Variants in PLEKHA4 observed in about 807,000 individuals in gnomAD.
The protein encoded by PLEKHA4 is pleckstrin homology domain containing A4.
PLEKHA4 carries 73 observed loss-of-function variants against 94.7 expected under a neutral mutation model. The ratio of observed to expected loss-of-function variants is 0.77; its 90% CI spans 0.64 to 0.94. The LOEUF (loss-of-function observed/expected upper bound fraction) is 0.94. Ranked by LOEUF, PLEKHA4 falls within the 40% of genes least tolerant of loss-of-function variation. PLEKHA4 has a pLI of 0.00. For missense variants in PLEKHA4, 1,049 were observed against 1,054.1 expected, an observed-to-expected ratio of 1.00 and a Z score of 0.07; for synonymous variants, 449 against 437.1, an observed-to-expected ratio of 1.03 and a Z score of -0.34.
intron 5 of PLEKHA4, 111 bp downstream of exon 5, chr19:48,861,290 G>A (rs1185891952): frequency 5.6e-6 from 5 of 898,900 alleles, no homozygotes; most frequent in Non-Finnish European, 9.3e-6. Flanking sequence ...TTTATCTCCA[G>A]TAATGGATAT....
intron 3 of PLEKHA4, among the ~76,000 whole-genome samples, chr19:48,863,717 AG>A (rs1181272277): frequency 6.6e-6 from 1 of 151,422 alleles, no homozygotes; most frequent in Admixed American, 6.6e-5. Context: ...AGATTACAGG[AG>A]TGAGCCACCA....
At chr19:48,866,599 G>A (rs1367490330) in intron 2 of PLEKHA4, among the ~76,000 whole-genome samples, 2 of 152,166 alleles carry the variant, frequency 1.3e-5, no homozygotes, top group African/African-American at 2.4e-5. Context: ...GAGCCACTGC[G>A]CCGGGCCGAG....
Position 48,861,396 on chromosome 19 carries a change from C to G in PLEKHA4, c.366+5G>C. ...CTGGTGCACAACATGGATGGATGGA[C>G]TCACGGTGAAGGTGAAGCGCCGCCC... On this transcript the variant is annotated splice_donor_5th_base_variant and intron_variant, in intron 5 of 19. Coordinates refer to ENST00000263265, the MANE Select transcript of PLEKHA4 (RefSeq NM_020904.3). The G allele has an allele frequency of 6.2e-7, 1 of 1,611,606 alleles. No homozygotes were observed. The highest frequency in any genetic ancestry group is 8.5e-7 in the Non-Finnish European group (1 of 1,178,612).
In PLEKHA4 at chr19:48,867,565, A is replaced by C; in HGVS notation, c.56T>G (p.Ile19Ser). The change falls in exon 2 of 20, where the codon ATC (isoleucine) becomes AGC (serine). Residue 19 changes from isoleucine to serine, a missense_variant. Ile to Ser is a moderately radical substitution (Grantham distance 142). Coordinates refer to ENST00000263265, the MANE Select transcript of PLEKHA4 (RefSeq NM_020904.3). The surrounding 1 kb of genome is among the most constrained non-coding windows in gnomAD (Gnocchi z 4.7). ...SLSLASSAST[I>S]SSLSSLSPKK... ...GGGGCTCAGGCTGCTGAGCGAGGAG[A>C]TGGTGGAGGCGCTGCTGGCCAGGCT... The C allele has an allele frequency of 6.2e-7, 1 of 1,602,340 alleles. No individual in the cohort carries two copies. Among genetic ancestry groups the C allele is most frequent in the Middle Eastern group, 2.1e-4 (1 of 4,704 alleles).
chr19:48,852,449 A>G (rs775736116), intron 12 of PLEKHA4, 123 bp from the exon 13 acceptor site: 28 of 687,896 alleles, frequency 4.1e-5, no homozygotes, highest in Non-Finnish European at 1.0e-5. Context: ...CTGCAGGCGT[A>G]TGGACTACAA....
Position 48,847,925 on chromosome 19 carries a change from T to C in PLEKHA4, c.1541A>G (p.Gln514Arg). Reference protein sequence around the residue: ...TEPDSPSPVLQGEESSERESL... With the variant: ...TEPDSPSPVLRGEESSERESL... Reference sequence around the variant, plus strand: ...CTCCCTCTCTGAGGACTCCTCGCCCTGGAGCACGGGAGATGGGGAGTCAGG... The same window carrying C: ...CTCCCTCTCTGAGGACTCCTCGCCCCGGAGCACGGGAGATGGGGAGTCAGG... The change falls in exon 14 of 20, where the codon CAG (glutamine) becomes CGG (arginine). Residue 514 changes from glutamine to arginine, a missense_variant. Coordinates refer to ENST00000263265, the MANE Select transcript of PLEKHA4 (RefSeq NM_020904.3). The C allele has an allele frequency of 1.3e-6, 2 of 1,592,484 alleles. No individual in the cohort carries two copies. The highest frequency in any genetic ancestry group is 1.1e-5 in the South Asian group (1 of 88,236).
chr19:48,854,443 G>A (rs560641598), intron 9 of PLEKHA4, among the ~76,000 whole-genome samples, 179 bp from the exon 10 acceptor site: 28 of 152,096 alleles, frequency 1.8e-4, no homozygotes, highest in Admixed American at 1.6e-3. Flanking sequence ...ATCATGGTTC[G>A]CTGCAGGCTC....
At chr19:48,853,567 G>T in intron 12 of PLEKHA4, 115 bp downstream of exon 12, 1 of 1,093,568 alleles carries the variant, frequency 9.1e-7, no homozygotes, top group Non-Finnish European at 1.2e-6. Flanking sequence ...AAAATTTGGA[G>T]TGTAGACTTC....
intron 9 of PLEKHA4, among the ~76,000 whole-genome samples, chr19:48,855,112 C>T (rs1016564171): frequency 1.3e-5 from 2 of 151,956 alleles, no homozygotes; most frequent in Non-Finnish European, 2.9e-5. Flanking sequence ...ATCAAGCAGC[C>T]ATGGCAAATA....
chr19:48,853,459 A>T (rs1423403569), intron 12 of PLEKHA4, among the ~76,000 whole-genome samples: 1 of 151,706 alleles, frequency 6.6e-6, no homozygotes, highest in East Asian at 1.9e-4. Context: ...AGATGGCACC[A>T]CTGTACTCCA....
intron 9 of PLEKHA4, among the ~76,000 whole-genome samples, chr19:48,855,666 G>A (rs559032484): frequency 6.6e-6 from 1 of 151,992 alleles, no homozygotes; most frequent in Non-Finnish European, 1.5e-5. Context: ...GTACATGCCT[G>A]TAGTCTCAGC....
chr19:48,860,970 G>T (rs2036617335), intron 5 of PLEKHA4, among the ~76,000 whole-genome samples: 1 of 152,212 alleles, frequency 6.6e-6, no homozygotes, highest in African/African-American at 2.4e-5. Flanking sequence ...ACTTTGGGAG[G>T]CTGAGGTAGG....
intron 11 of PLEKHA4, 65 bp downstream of exon 11, chr19:48,853,942 A>G: frequency 3.1e-6 from 5 of 1,602,238 alleles, no homozygotes; most frequent in Non-Finnish European, 4.3e-6. Context: ...TGACTTCCGC[A>G]TTCAGGAAGG....
intron 13 of PLEKHA4, 108 bp downstream of exon 13, chr19:48,852,120 C>T: frequency 1.2e-6 from 1 of 810,868 alleles, no homozygotes; most frequent in Non-Finnish European, 2.1e-6. Context: ...GGCTAAGGGT[C>T]AACTGGGCGG....
chr19:48,840,094 G>T (rs991342655), intron 17 of PLEKHA4, among the ~76,000 whole-genome samples: 14 of 151,684 alleles, frequency 9.2e-5, no homozygotes, highest in Admixed American at 7.9e-4. Context: ...GGCAACAAAG[G>T]GAGACTCTGT....
rs2036033128 is a variant in PLEKHA4, at chr19:48,847,992, C to A, written c.1474G>T (p.Ala492Ser). 1.9e-6 allele frequency: 3 copies of A among 1,613,558 alleles called. No individual in the cohort carries two copies. The highest frequency in any genetic ancestry group is 1.1e-5 in the South Asian group (1 of 91,064). Reference protein sequence around the residue: ...QQLWMVEDTLAGLGGPQKPPP... With the variant: ...QQLWMVEDTLSGLGGPQKPPP... ...GGTTTCTGGGGGCCACCCAGACCTG[C>A]CAGCGTGTCTTCCACCATCCACAGC... Residue 492 changes from alanine (A) to serine (S), a missense_variant, in exon 14 of 20, where the codon GCA becomes TCA. Physicochemically the swap from Ala to Ser is moderately conservative, Grantham distance 99. Transcript: ENST00000263265.
intron 13 of PLEKHA4, among the ~76,000 whole-genome samples, chr19:48,848,807 A>G (rs1259185320): frequency 2.0e-5 from 3 of 152,058 alleles, no homozygotes; most frequent in South Asian, 4.1e-4. Flanking sequence ...AAAAAAAAAA[A>G]AAAGAAAAAG....
rs762905351 is a variant in PLEKHA4, at chr19:48,860,433, G to A, written c.393C>T (p.Tyr131=). 8 of 1,614,086 alleles carry A rather than the reference G, an allele frequency of 5.0e-6. No homozygotes were observed. In the Admixed American group the frequency reaches 8.3e-5, roughly 17 times the overall value. ...CTTCTAAGGTGTCAGCGGCCAAAAC[G>A]TAGGTCCTCATGCCCGGGTGCTCTG... ...FTAEHPGMRT[Y]VLAADTLEDL... is the part of the protein sequence containing the mutation. Residue 131 remains tyrosine (Y), a synonymous_variant, in exon 6 of 20, where the codon TAC becomes TAT. Transcript: ENST00000263265.
rs139757650 is a variant in PLEKHA4 at position 48,865,568 on chromosome 19, T to A, written c.127A>T (p.Arg43Ter). Residue 43 changes from arginine (R) to a stop codon, truncating the protein, a stop_gained, in exon 3 of 20, where the codon AGA becomes TGA. Coordinates refer to ENST00000263265, the MANE Select transcript of PLEKHA4 (RefSeq NM_020904.3). LOFTEE classifies it high-confidence loss of function. The part of the protein sequence containing the change: ...AVNKIHAFGK[R>*]GNALRRDPNL... Reference sequence around the variant, plus strand: ...GGATCCCTCCTGAGCGCATTGCCTCTCTTCCCAAAGGCGTGGATCTTGTTT... The same window carrying A: ...GGATCCCTCCTGAGCGCATTGCCTCACTTCCCAAAGGCGTGGATCTTGTTT... 6.2e-7 allele frequency: 1 copy of A among 1,614,048 alleles called. No individual in the cohort carries two copies. Among genetic ancestry groups the A allele is most frequent in the East Asian group, 2.2e-5 (1 of 44,880 alleles).
Sources: allele counts gnomAD v4.1 joint callset (sites outside exome capture counted in the v4.1 genomes callset), GRCh38; gene constraint gnomAD v4.1.1; non-coding constraint Gnocchi (gnomAD v3.1); transcripts MANE v1.5; gene names NCBI Gene and HGNC (gene_info 2026-07-23, HGNC 2026-07-21).